Variants in PPP2R2C observed in about 807,000 individuals in gnomAD.
PPP2R2C encodes protein phosphatase 2 regulatory subunit Bgamma.
In PPP2R2C, 10 loss-of-function variants were observed where a neutral mutation model predicts 45.3. The observed-to-expected ratio is 0.22, with a 90% CI of 0.14 to 0.37. The LOEUF (loss-of-function observed/expected upper bound fraction) is 0.37, where lower values mean the gene tolerates loss of function less well. Among genes scored for constraint, PPP2R2C ranks in the 10% least tolerant of loss-of-function variants. The pLI, the probability that PPP2R2C is intolerant of heterozygous loss-of-function variation, is 1.00. For synonymous variants in PPP2R2C, 257 were observed against 245.4 expected (o/e 1.05, Z -0.44); for missense variants, 308 against 619.7 (o/e 0.50, Z 5.34).
chr4:6,348,575 G>T lies in PPP2R2C; in HGVS notation c.626-565C>A, dbSNP rs1041515641. 1.5e-5 allele frequency: 14 copies of T among 906,424 alleles called. No individual in the cohort carries two copies. The African/African-American group carries it at 2.2e-4, about 14-fold the overall frequency. 56.1% of individuals were successfully genotyped at this position (906,424 alleles called of 1,614,324 possible). On this transcript the variant is annotated intron_variant, in intron 5 of 8. Coordinates refer to ENST00000382599, the MANE Select transcript of PPP2R2C (RefSeq NM_020416.4). ...GTATGGAGATTCTCCTTTGGGCAAA[G>T]GTTCTTCTGGGTTTCTGGGTCGGCC...
intron 1 of PPP2R2C, among the ~76,000 whole-genome samples, chr4:6,443,862 A>G (rs1577186904): frequency 2.0e-5 from 3 of 149,802 alleles, no homozygotes; most frequent in African/African-American, 7.4e-5. Flanking sequence ...GTCTCAGCCC[A>G]CACAGCCTCT....
chr4:6,452,974 T>C (rs1355416121), intron 1 of PPP2R2C, among the ~76,000 whole-genome samples: 2 of 152,122 alleles, frequency 1.3e-5, no homozygotes, highest in African/African-American at 4.8e-5. Flanking sequence ...AGGCAGCCTG[T>C]GGTTGGTTAA....
rs1020999177 is a variant in PPP2R2C, at chr4:6,537,802, G to A, written c.-58-2425C>T. 6.6e-5 allele frequency among the ~76,000 whole-genome samples: 10 copies of A among 152,076 alleles called. No individual in the cohort carries two copies. The South Asian group carries it at 8.3e-4, about 13-fold the overall frequency. Reference sequence around the variant, plus strand: ...CCTGACCTCGTGATCCACCTGCCTCGGCCTCCCAAAGTGCTGGGATTACAG... The same window carrying A: ...CCTGACCTCGTGATCCACCTGCCTCAGCCTCCCAAAGTGCTGGGATTACAG... On this transcript the variant is annotated intron_variant, in intron 1 of 9. Coordinates refer to the PPP2R2C transcript ENST00000506140.
chr4:6,509,083 G>A (rs114194878), intron 2 of PPP2R2C, among the ~76,000 whole-genome samples: 5,874 of 152,250 alleles, frequency 0.039, 127 homozygotes, highest in African/African-American at 0.064. Context: ...AGACCCACAC[G>A]GATTTGCCAC....
chr4:6,331,414 C>T lies in PPP2R2C; in HGVS notation c.961-2061G>A, dbSNP rs566341583. On this transcript the variant is annotated intron_variant, in intron 7 of 8. Coordinates refer to ENST00000382599, the MANE Select transcript of PPP2R2C (RefSeq NM_020416.4). This position sits in a 1 kb window ranked among gnomAD's most constrained non-coding sequence, Gnocchi z 5.9. ...TGAGGCAAAGCATATTATGGACTTA[C>T]CTCAGTGTGGCTCATTCAACAACCG... Among the ~76,000 whole-genome samples the T allele has an allele frequency of 2.0e-5, 3 of 152,244 alleles. No individual in the cohort carries two copies. The highest frequency in any genetic ancestry group is 3.9e-4 in the East Asian group (2 of 5,158).
intron 1 of PPP2R2C, among the ~76,000 whole-genome samples, chr4:6,449,429 C>A (rs1720619034): frequency 6.6e-6 from 1 of 152,182 alleles, no homozygotes; most frequent in African/African-American, 2.4e-5. Context: ...GAATGCATGA[C>A]TTTAATTTTT....
chr4:6,327,641 G>T (rs866322527), intron 8 of PPP2R2C, among the ~76,000 whole-genome samples: 19 of 152,250 alleles, frequency 1.2e-4, no homozygotes, highest in Middle Eastern at 3.2e-3. Flanking sequence ...AGCATGGGAG[G>T]AGCCCTGTCT....
At position 6,394,401 on chromosome 4, in the gene PPP2R2C, T is replaced by C. The variant is rs73206144; in HGVS notation, c.71-13307A>G. Among the ~76,000 whole-genome samples the C allele has an allele frequency of 5.1e-3, 777 of 152,354 alleles. 4 individuals carry two copies. Among genetic ancestry groups the C allele is most frequent in the Non-Finnish European group, 7.7e-3 (525 of 68,036 alleles). Reference sequence around the variant, plus strand: ...ATTGTTGCTATAATTATTGCTACTATGTACCCAAAGCAAATCACAGAACTA... The same window carrying C: ...ATTGTTGCTATAATTATTGCTACTACGTACCCAAAGCAAATCACAGAACTA... On this transcript the variant is annotated intron_variant, in intron 1 of 8. Coordinates refer to ENST00000382599, the MANE Select transcript of PPP2R2C (RefSeq NM_020416.4).
At chr4:6,342,683 T>C (rs1733550964) in intron 6 of PPP2R2C, among the ~76,000 whole-genome samples, 1 of 152,192 alleles carries the variant, frequency 6.6e-6, no homozygotes, top group African/African-American at 2.4e-5. Context: ...TAAGCAGAAG[T>C]AACTGTCTAT....
chr4:6,370,815 T>C (rs959919248), intron 5 of PPP2R2C, among the ~76,000 whole-genome samples: 4 of 152,174 alleles, frequency 2.6e-5, no homozygotes, highest in South Asian at 4.1e-4. Flanking sequence ...CACTGTGGAC[T>C]GGTGGGGCCC....
At position 6,563,159 on chromosome 4, in the gene PPP2R2C, G is replaced by T. The variant is rs533348173; in HGVS notation, c.-59+401C>A. Among the ~76,000 whole-genome samples, 217 of 152,298 alleles carry T rather than the reference G, an allele frequency of 1.4e-3. 1 individual carries two copies. The highest frequency in any genetic ancestry group is 6.8e-3 in the Middle Eastern group (2 of 294). On this transcript the variant is annotated intron_variant, in intron 1 of 9. Transcript: ENST00000506140. The surrounding 1 kb of genome is among the most constrained non-coding windows in gnomAD (Gnocchi z 5.8). ...CCGCACCTTCAGCCGGGCAGCGAGG[G>T]GGGGCTCGAGCGCGCCGGTTCTCGG...
chr4:6,557,710 G>T (rs976002658), intron 1 of PPP2R2C, among the ~76,000 whole-genome samples: 11 of 152,180 alleles, frequency 7.2e-5, no homozygotes, highest in South Asian at 4.1e-4. Flanking sequence ...AGGGGAGTCT[G>T]GATTGGGAGG....
intron 1 of PPP2R2C, among the ~76,000 whole-genome samples, chr4:6,388,542 C>T (rs1235829004): frequency 1.3e-5 from 2 of 152,132 alleles, no homozygotes; most frequent in Non-Finnish European, 2.9e-5. Flanking sequence ...TATGAAGACA[C>T]AGCACACACA....
At chr4:6,478,711 C>A (rs577834907) in intron 2 of PPP2R2C, among the ~76,000 whole-genome samples, 1 of 152,370 alleles carries the variant, frequency 6.6e-6, no homozygotes, top group Admixed American at 6.5e-5. Context: ...ACAGCCCTGC[C>A]TCAGCCGGAA....
chr4:6,563,710 G>A (rs1341150190), upstream of PPP2R2C: 2 of 140,894 alleles, frequency 1.4e-5, no homozygotes, highest in East Asian at 4.3e-4. The surrounding 1 kb of genome is among the most constrained non-coding windows in gnomAD (Gnocchi z 5.8). Flanking sequence ...GGGGGCGGGG[G>A]GCGGGGGCGC....
At chr4:6,484,254 T>A (rs1444045220) in intron 2 of PPP2R2C, among the ~76,000 whole-genome samples, 1 of 152,016 alleles carries the variant, frequency 6.6e-6, no homozygotes, top group Non-Finnish European at 1.5e-5. Context: ...CTAAAGTGCA[T>A]TTGAGTCTCT....
chr4:6,390,948 T>C (rs1577139464), intron 1 of PPP2R2C, among the ~76,000 whole-genome samples: 1 of 152,102 alleles, frequency 6.6e-6, no homozygotes, highest in Non-Finnish European at 1.5e-5. Context: ...TTGGTGGAGA[T>C]GGGGCAGCTC....
intron 2 of PPP2R2C, among the ~76,000 whole-genome samples, chr4:6,495,049 C>T (rs1206003788): frequency 6.6e-6 from 1 of 152,164 alleles, no homozygotes; most frequent in African/African-American, 2.4e-5. Flanking sequence ...AGCTGGTGGG[C>T]ACAGCCTGCC....
At position 6,469,346 on chromosome 4, in the gene PPP2R2C, G is replaced by T. The variant is rs1721743849; in HGVS notation, c.70+2814C>A. Among the ~76,000 whole-genome samples the T allele has an allele frequency of 2.0e-5, 3 of 152,298 alleles. 1 individual carries two copies. The highest frequency in any genetic ancestry group is 4.1e-4 in the South Asian group (2 of 4,820). ...CCTGAAGCAAGAAAGAAAATGGCCT[G>T]CTCAAGGAACAGGAGGTAGATCAGA... On this transcript the variant is annotated intron_variant, in intron 1 of 8. Coordinates refer to ENST00000382599, the MANE Select transcript of PPP2R2C (RefSeq NM_020416.4).
Sources: allele counts gnomAD v4.1 joint callset (sites outside exome capture counted in the v4.1 genomes callset), GRCh38; gene constraint gnomAD v4.1.1; non-coding constraint Gnocchi (gnomAD v3.1); transcripts MANE v1.5; gene names NCBI Gene and HGNC (gene_info 2026-07-23, HGNC 2026-07-21).